The following SLC34A3 variants were observed in gnomAD, a reference collection of about 807,000 sequenced individuals.
SLC34A3 encodes solute carrier family 34 member 3.
A neutral mutation model predicts 43.9 loss-of-function variants in SLC34A3; 60 were observed. The ratio of observed to expected loss-of-function variants is 1.37; its 90% confidence interval spans 1.11 to 1.70. The LOEUF is 1.70. Ranked by LOEUF, SLC34A3 falls within the 40% of genes most tolerant of loss-of-function variation. The pLI is 0.00. For missense variants in SLC34A3, 969 were observed against 823.8 expected, an observed-to-expected ratio of 1.18 and a Z score of -2.16; for synonymous variants, 451 against 386.2, an observed-to-expected ratio of 1.17 and a Z score of -1.97.
At position 137,234,588 on chromosome 9, in the gene SLC34A3, T is replaced by C; in HGVS notation, c.1211-19T>C. On this transcript the variant is annotated intron_variant, in intron 11 of 12. Coordinates refer to ENST00000673835, the MANE Select transcript of SLC34A3 (RefSeq NM_001177316.2). This position sits in a 1 kb window ranked among gnomAD's most constrained non-coding sequence, Gnocchi z 6.9. ...GGGGGCTCGGGCTGGGGTCCTGTGG[T>C]GACTCCCAGTTCCCCCAGGGGTCGG... The C allele has an allele frequency of 1.9e-6, 3 of 1,611,974 alleles. No individual in the cohort carries two copies. The highest frequency in any genetic ancestry group is 2.5e-6 in the Non-Finnish European group (3 of 1,179,658).
At chr9:137,230,570 G>A (rs974792266), upstream of SLC34A3, among the ~76,000 whole-genome samples, 5 of 152,208 alleles carry the variant, frequency 3.3e-5, no homozygotes, top group African/African-American at 4.8e-5. Flanking sequence ...CCATACTCTA[G>A]CATCCTGCCT....
chr9:137,233,205 A>G lies in SLC34A3; in HGVS notation c.561-4A>G. On this transcript the variant is annotated splice_region_variant and splice_polypyrimidine_tract_variant and intron_variant, in intron 6 of 12. Coordinates refer to ENST00000673835, the MANE Select transcript of SLC34A3 (RefSeq NM_001177316.2). ...CTGACCCTGCCCACTCTCTGCGGCC[A>G]CAGGGCTTTCAGCGGCTCGGCGGTG... 2 of 1,574,262 alleles carry G rather than the reference A, an allele frequency of 1.3e-6. No homozygotes were observed. Among genetic ancestry groups the G allele is most frequent in the Non-Finnish European group, 1.7e-6 (2 of 1,160,534 alleles).
chr9:137,233,575 C>A, intron 7 of SLC34A3, 58 bp from the exon 8 acceptor site: 1 of 1,583,900 alleles, frequency 6.3e-7, no homozygotes, highest in South Asian at 1.1e-5. Flanking sequence ...GGCGCCAGAG[C>A]CCCGGGTGAG....
In SLC34A3 at chr9:137,235,970, T is replaced by C. The variant is rs1176367287; in HGVS notation, c.1354T>C (p.Phe452Leu). The C allele has an allele frequency of 6.2e-7, 1 of 1,612,304 alleles. No homozygotes were observed. The highest frequency in any genetic ancestry group is 1.7e-5 in the Admixed American group (1 of 60,014). The change falls in exon 13 of 13, where the codon TTC becomes CTC. Residue 452 changes from phenylalanine (F) to leucine (L), a missense_variant. Transcript: ENST00000673835. ...CCCCCAGGTCGCCCTCATCCACTTC[T>C]TCTTCAACCTGGCCGGCATCCTGCT... ...SALQVALIHF[F>L]FNLAGILLWY...
In SLC34A3 at chr9:137,234,051, C is replaced by G; in HGVS notation, c.926-58C>G. Reference sequence around the variant, plus strand: ...GGCGGACAGGCTGCCCTGTGAGGCCCGGCCCACCCCGGCCCACCCCCCAGG... The same window carrying G: ...GGCGGACAGGCTGCCCTGTGAGGCCGGGCCCACCCCGGCCCACCCCCCAGG... On this transcript the variant is annotated intron_variant, in intron 9 of 12. Transcript: ENST00000673835. The surrounding 1 kb of genome is among the most constrained non-coding windows in gnomAD (Gnocchi z 6.9). The G allele has an allele frequency of 2.3e-6, 3 of 1,307,862 alleles. No homozygotes were observed. The highest frequency in any genetic ancestry group is 3.2e-6 in the Non-Finnish European group (3 of 944,104). 81.0% of individuals were successfully genotyped at this position (1,307,862 alleles called of 1,614,324 possible). A position where few individuals can be genotyped will look rare whatever the true frequency, so the allele number is the denominator to read the frequency against.
At chr9:137,235,725 C>T (rs544210375) in intron 12 of SLC34A3, among the ~76,000 whole-genome samples, 292 of 152,336 alleles carry the variant, frequency 1.9e-3, no homozygotes, top group African/African-American at 6.6e-3. Context: ...AGTCAGTGCT[C>T]GGGGGTGCTG....
At position 137,233,017 on chromosome 9, in the gene SLC34A3, G is replaced by A. The variant is rs1386340573; in HGVS notation, c.462G>A (p.Arg154=). ...CCCCACCAGCAGTGCTGACTGTCCG[G>A]GTGTCTGTGCCCATCATCATGGGTG... ...SMVAAKLLTV[R]VSVPIIMGVN... is the part of the protein sequence containing the mutation. The change falls in exon 6 of 13, where the codon CGG becomes CGA. Residue 154 remains arginine, a synonymous_variant. Transcript: ENST00000673835. 1 of 1,611,828 alleles carries A rather than the reference G, an allele frequency of 6.2e-7. No homozygotes were observed. The highest frequency in any genetic ancestry group is 2.2e-5 in the East Asian group (1 of 44,854).
In SLC34A3 at chr9:137,232,833, T is replaced by C. The variant is rs1836313313; in HGVS notation, c.354T>C (p.Pro118=). Residue 118 remains proline, a synonymous_variant, in exon 5 of 13, where the codon CCT becomes CCC. Transcript: ENST00000673835. The part of the protein sequence containing the change: ...IFKDNVVLSN[P]VAGLVIGVLV... ...AGGACAACGTGGTGCTGTCCAACCC[T>C]GTGGCTGGACTGGTCATTGGCGTGC... The C allele has an allele frequency of 5.6e-6, 9 of 1,613,082 alleles. No individual in the cohort carries two copies. Among genetic ancestry groups the C allele is most frequent in the South Asian group, 1.1e-5 (1 of 91,074 alleles).
chr9:137,234,398 A>C lies in SLC34A3; in HGVS notation c.1094-18A>C. 6.3e-7 allele frequency: 1 copy of C among 1,596,384 alleles called. No individual in the cohort carries two copies. The highest frequency in any genetic ancestry group is 2.2e-5 in the East Asian group (1 of 44,740). On this transcript the variant is annotated intron_variant, in intron 10 of 12. Coordinates refer to ENST00000673835, the MANE Select transcript of SLC34A3 (RefSeq NM_001177316.2). This position sits in a 1 kb window ranked among gnomAD's most constrained non-coding sequence, Gnocchi z 6.9. ...TCCTTGTGGGCGCTGGCCAGGGCTG[A>C]CCCGGCATCCCCCACAGACTTCCCC...
chr9:137,234,714 A>G lies in SLC34A3; in HGVS notation c.1318A>G (p.Met440Val). ...TGCCCTGGCCAGCCCCGCAGACAGG[A>G]TGCTCAGCGCCCTGCAGGTACTGTC... ...LAALASPADR[M>V]LSALQVALIH... The change falls in exon 12 of 13, where the codon ATG becomes GTG. Residue 440 changes from methionine to valine, a missense_variant. By Grantham distance (21) the Met-to-Val change is conservative. Coordinates refer to ENST00000673835, the MANE Select transcript of SLC34A3 (RefSeq NM_001177316.2). The surrounding 1 kb of genome is among the most constrained non-coding windows in gnomAD (Gnocchi z 6.9). The G allele has an allele frequency of 9.3e-6, 15 of 1,610,664 alleles. No homozygotes were observed. The highest frequency in any genetic ancestry group is 1.2e-5 in the Non-Finnish European group (14 of 1,179,776).
At chr9:137,233,779 T>TGGGGGGCCCCCCCCCCC in intron 8 of SLC34A3, 57 bp downstream of exon 8, 1 of 1,445,824 alleles carries the variant, frequency 6.9e-7, no homozygotes, top group Non-Finnish European at 9.6e-7. Flanking sequence ...TGCTGAGTCA[T>TGGGGGGCCCCCCCCCCC]CCCGCCCCAC....
intron 9 of SLC34A3, 31 bp downstream of exon 9, chr9:137,233,972 ACCCCCCACACTC>A: frequency 1.2e-6 from 1 of 847,608 alleles, no homozygotes. Flanking sequence ...AGCCCCCTAC[ACCCCCCACACTC>A]CCCCTCACCG....
At position 137,233,642 on chromosome 9, in the gene SLC34A3, G is replaced by A. The variant is rs1171984883; in HGVS notation, c.766G>A (p.Asp256Asn). ...CCCCTCTGGCCCCCAGTTGGACTCC[G>A]ACATGATCATGAGCAGTGCCACAGG... is the stretch of plus-strand genomic sequence containing the variant. ...LTHLIVQLDS[D>N]MIMSSATGNA... is the part of the protein sequence containing the mutation. Residue 256 changes from aspartate to asparagine, a missense_variant, in exon 8 of 13, where the codon GAC (aspartate) becomes AAC (asparagine). Transcript: ENST00000673835. 9.9e-6 allele frequency: 16 copies of A among 1,612,618 alleles called. No homozygotes were observed. The South Asian group carries it at 1.1e-4, about 11-fold the overall frequency.
At position 137,233,405 on chromosome 9, in the gene SLC34A3, G is replaced by A. The variant is rs756938674; in HGVS notation, c.756+1G>A. On this transcript the variant is annotated splice_donor_variant, in intron 7 of 12. Transcript: ENST00000673835. LOFTEE classifies it high-confidence loss of function. Reference sequence around the variant, plus strand: ...GCCGCTCACACACCTCATCGTGCAGGTGAGGACGGCCACCGCCCCCGCCCA... The same window carrying A: ...GCCGCTCACACACCTCATCGTGCAGATGAGGACGGCCACCGCCCCCGCCCA... 1.2e-6 allele frequency: 2 copies of A among 1,600,444 alleles called. No individual in the cohort carries two copies. The highest frequency in any genetic ancestry group is 1.1e-5 in the South Asian group (1 of 89,974).
chr9:137,235,387 A>AC (rs1420886424), intron 12 of SLC34A3, among the ~76,000 whole-genome samples: 1 of 151,738 alleles, frequency 6.6e-6, no homozygotes, highest in Non-Finnish European at 1.5e-5. Flanking sequence ...CAAGTGCGGC[A>AC]CCCCCTGGAA....
In SLC34A3 at chr9:137,233,779, T is replaced by TCACCCCCCCC; in HGVS notation, c.846+58_846+59insACCCCCCCCC. On this transcript the variant is annotated intron_variant, in intron 8 of 12. Transcript: ENST00000673835. ...CCCCAACCTCCCACCTGCTGAGTCA[T>TCACCCCCCCC]CCCGCCCCACCCACCCTCACCTCGA... 2.1e-6 allele frequency: 3 copies of TCACCCCCCCC among 1,445,820 alleles called. No homozygotes were observed. The South Asian group carries it at 3.5e-5, about 17-fold the overall frequency. 89.6% of individuals were successfully genotyped at this position (1,445,820 alleles called of 1,614,324 possible).
intron 3 of SLC34A3, 50 bp downstream of exon 3, chr9:137,232,211 A>G (rs755955020): frequency 1.1e-5 from 17 of 1,541,846 alleles, no homozygotes; most frequent in African/African-American, 4.1e-5. Context: ...TCTGTCCCCA[A>G]CGGGACTGGG....
At position 137,233,973 on chromosome 9, in the gene SLC34A3, C is replaced by G. The variant is rs748970719; in HGVS notation, c.925+32C>G. ...CCCGGCCCACCCCAAGCCCCCTACA[C>G]CCCCCACACTCCCCCTCACCGGCCC... On this transcript the variant is annotated intron_variant, in intron 9 of 12. Coordinates refer to ENST00000673835, the MANE Select transcript of SLC34A3 (RefSeq NM_001177316.2). 1.1e-4 allele frequency: 166 copies of G among 1,474,548 alleles called. No homozygotes were observed. In the Middle Eastern group the frequency reaches 2.6e-3, roughly 23 times the overall value. The allele number at this position is 1,474,548 out of a possible 1,614,324, so 91.3% of individuals were successfully genotyped here. A position where few individuals can be genotyped will look rare whatever the true frequency, so the allele number is the denominator to read the frequency against.
At chr9:137,233,779 T>TTGCCCCCCCCCCCCCCCCCCCCCCACCCC in intron 8 of SLC34A3, 57 bp downstream of exon 8, 1 of 1,445,826 alleles carries the variant, frequency 6.9e-7, no homozygotes, top group Non-Finnish European at 9.6e-7. Flanking sequence ...TGCTGAGTCA[T>TTGCCCCCCCCCCCCCCCCCCCCCCACCCC]CCCGCCCCAC....
Sources: allele counts gnomAD v4.1 joint callset (sites outside exome capture counted in the v4.1 genomes callset), GRCh38; gene constraint gnomAD v4.1.1; non-coding constraint Gnocchi (gnomAD v3.1); transcripts MANE v1.5; gene names NCBI Gene and HGNC (gene_info 2026-07-23, HGNC 2026-07-21).